Variants in PIK3C2G observed in about 807,000 individuals in gnomAD.
PIK3C2G encodes the protein phosphatidylinositol-4-phosphate 3-kinase catalytic subunit type 2 gamma, also known as phosphatidylinositol 3-kinase C2 domain-containing subunit gamma.
PIK3C2G carries 168 observed loss-of-function variants against 181.1 expected under a neutral mutation model. The ratio of observed to expected loss-of-function variants is 0.93; its 90% CI spans 0.82 to 1.05. The LOEUF is 1.05. Among genes scored for constraint, PIK3C2G ranks in the 50% least tolerant of loss-of-function variants. The pLI is 0.00. For missense variants in PIK3C2G, 1,869 were observed against 1,732.8 expected (o/e 1.08, Z -1.40); for synonymous variants, 573 against 592.2 (o/e 0.97, Z 0.47).
chr12:18,421,278 A>C (rs1945471713), intron 17 of PIK3C2G, among the ~76,000 whole-genome samples: 1 of 152,054 alleles, frequency 6.6e-6, no homozygotes, highest in South Asian at 2.1e-4. Context: ...AGAATATGAA[A>C]AAATAGACAT....
intron 5 of PIK3C2G, among the ~76,000 whole-genome samples, chr12:18,313,726 TTCA>T: frequency 6.6e-6 from 1 of 152,064 alleles, no homozygotes; most frequent in East Asian, 1.9e-4. Context: ...AATTTCACAT[TTCA>T]TCATTTATAT....
the PIK3C2G span, chr12:18,719,633 C>A: frequency 6.3e-7 from 1 of 1,578,132 alleles, no homozygotes; most frequent in South Asian, 1.2e-5. Context: ...GCTTTCCTAA[C>A]TAAAAAAATA....
chr12:18,622,636 T>G (rs2136674378), intron 31 of PIK3C2G, among the ~76,000 whole-genome samples: 1 of 152,042 alleles, frequency 6.6e-6, no homozygotes, highest in South Asian at 2.1e-4. Context: ...TTCCATACTG[T>G]TTTTAAAAAT....
intron 29 of PIK3C2G, among the ~76,000 whole-genome samples, chr12:18,581,150 A>G (rs1176393058): frequency 4.6e-5 from 7 of 152,248 alleles, no homozygotes; most frequent in South Asian, 2.1e-4. Flanking sequence ...AAATGACAAC[A>G]TAATTGGCAA....
intron 13 of PIK3C2G, among the ~76,000 whole-genome samples, chr12:18,381,248 G>A (rs918910561): frequency 2.0e-5 from 3 of 151,604 alleles, no homozygotes; most frequent in Admixed American, 6.6e-5. Flanking sequence ...CGTTTCCTCC[G>A]TGAAGCCCCA....
At chr12:18,717,530 A>G in the PIK3C2G span, among the ~76,000 whole-genome samples, 2 of 152,126 alleles carry the variant, frequency 1.3e-5, no homozygotes, top group African/African-American at 4.8e-5. Context: ...TTCCAGTCTG[A>G]TAACTTCTGA....
intron 30 of PIK3C2G, among the ~76,000 whole-genome samples, chr12:18,608,028 C>A (rs947513034): frequency 5.9e-5 from 9 of 151,974 alleles, no homozygotes; most frequent in South Asian, 4.2e-4. Flanking sequence ...TTAGAATGGC[C>A]ATCATTAAAA....
At chr12:18,704,553 C>G in the PIK3C2G span, among the ~76,000 whole-genome samples, 2 of 152,000 alleles carry the variant, frequency 1.3e-5, no homozygotes, top group African/African-American at 4.8e-5. Context: ...TTGTGAACTC[C>G]TAACCTCAGG....
intron 29 of PIK3C2G, among the ~76,000 whole-genome samples, chr12:18,574,215 CATT>C (rs768649808): frequency 6.6e-6 from 1 of 152,154 alleles, no homozygotes; most frequent in Non-Finnish European, 1.5e-5. Context: ...TTATCTGAAA[CATT>C]ATCCTTAAAA....
chr12:18,471,204 C>A (rs1938424313), intron 18 of PIK3C2G, among the ~76,000 whole-genome samples: 1 of 152,096 alleles, frequency 6.6e-6, no homozygotes. Flanking sequence ...AAGCGATGCT[C>A]CAGAAGGACC....
intron 16 of PIK3C2G, among the ~76,000 whole-genome samples, chr12:18,408,226 G>A (rs1265257378): frequency 2.0e-5 from 3 of 152,094 alleles, no homozygotes; most frequent in Non-Finnish European, 4.4e-5. Flanking sequence ...AATCTATGTT[G>A]AGTCAATTTT....
chr12:18,648,931 T>A (rs1264671740), downstream of PIK3C2G, among the ~76,000 whole-genome samples: 1 of 152,062 alleles, frequency 6.6e-6, no homozygotes. Context: ...ATTCAATGTT[T>A]CCCTGTGTAT....
At chr12:18,607,919 A>G (rs1948124306) in intron 30 of PIK3C2G, among the ~76,000 whole-genome samples, 1 of 152,150 alleles carries the variant, frequency 6.6e-6, no homozygotes, top group Admixed American at 6.5e-5. Context: ...TCAAAAGAAG[A>G]CATTTATGCA....
At position 18,293,669 on chromosome 12, in the gene PIK3C2G, TA is replaced by T. The variant is rs1949809265; in HGVS notation, c.920-231del. Among the ~76,000 whole-genome samples, 5 of 152,240 alleles carry T rather than the reference TA, an allele frequency of 3.3e-5. No homozygotes were observed. The South Asian group carries it at 1.0e-3, about 32-fold the overall frequency. On this transcript the variant is annotated intron_variant, in intron 4 of 32. Coordinates refer to ENST00000538779, the MANE Select transcript of PIK3C2G (RefSeq NM_001288772.2). ...TGAGAAACACAATACCTAGCTTTGT[TA>T]TATCACATGAAAGCAGAACTGATCA...
upstream of PIK3C2G, chr12:18,261,392 A>C (rs1948227652): frequency 6.6e-6 from 1 of 151,584 alleles, no homozygotes; most frequent in East Asian, 1.9e-4. Flanking sequence ...TTTTTTTTCC[A>C]TATAACCCTT....
At chr12:18,359,498 G>C (rs374234426) in intron 11 of PIK3C2G, among the ~76,000 whole-genome samples, 1 of 152,032 alleles carries the variant, frequency 6.6e-6, no homozygotes, top group South Asian at 2.1e-4. Flanking sequence ...CCTTCTGTCT[G>C]GTTGTTCTAC....
chr12:18,398,279 G>A (rs1331301923), intron 15 of PIK3C2G, among the ~76,000 whole-genome samples: 2 of 152,090 alleles, frequency 1.3e-5, no homozygotes, highest in Non-Finnish European at 2.9e-5. Flanking sequence ...GTTCAGTATT[G>A]GGGAAAAAAA....
At chr12:18,546,492 A>C (rs1372993054) in intron 26 of PIK3C2G, 60 bp downstream of exon 26, 1 of 901,404 alleles carries the variant, frequency 1.1e-6, no homozygotes, top group Non-Finnish European at 1.8e-6. Context: ...CACATGTTCC[A>C]CAGTGGAGAT....
intron 26 of PIK3C2G, among the ~76,000 whole-genome samples, chr12:18,551,650 C>A (rs1185153981): frequency 6.6e-6 from 1 of 152,068 alleles, no homozygotes; most frequent in African/African-American, 2.4e-5. Context: ...CAAAACAAAA[C>A]AACAAGACAA....
Sources: allele counts gnomAD v4.1 joint callset (sites outside exome capture counted in the v4.1 genomes callset), GRCh38; gene constraint gnomAD v4.1.1; transcripts MANE v1.5; gene names NCBI Gene and HGNC (gene_info 2026-07-23, HGNC 2026-07-21).